POLR2L: variants seen among roughly 807,000 people sequenced by gnomAD.
The protein encoded by POLR2L is RNA polymerase II, I and III subunit L, also known as DNA-directed RNA polymerases I, II, and III subunit RPABC5.
A neutral mutation model predicts 6.8 loss-of-function variants in POLR2L; 7 were observed. The observed-to-expected ratio is 1.03, with a 90% CI of 0.59 to 1.94. POLR2L has a LOEUF of 1.94. Among genes scored for constraint, POLR2L ranks in the 30% most tolerant of loss-of-function variants. The pLI, the probability that POLR2L is intolerant of heterozygous loss-of-function variation, is 0.00. For missense variants in POLR2L, 93 were observed against 86.7 expected, an observed-to-expected ratio of 1.07 and a Z score of -0.29; for synonymous variants, 59 against 39.8, an observed-to-expected ratio of 1.48 and a Z score of -1.82.
At chr11:840,724 C>CGT (rs111898251) in intron 1 of POLR2L, among the ~76,000 whole-genome samples, 12 of 152,248 alleles carry the variant, frequency 7.9e-5, no homozygotes, top group African/African-American at 2.4e-4. Flanking sequence ...TCTGGCTGTA[C>CGT]GTGTGTGTGT....
chr11:842,524 C>T lies in POLR2L; in HGVS notation c.-16G>A. On this transcript the variant is annotated 5_prime_UTR_variant, in exon 1 of 2. Transcript: ENST00000322028. Reference sequence around the variant, plus strand: ...GGATGATCATGGCGGCGGCGCGTCCCAGACTGCCCGGCCCGGCCCGGCCGC... The same window carrying T: ...GGATGATCATGGCGGCGGCGCGTCCTAGACTGCCCGGCCCGGCCCGGCCGC... 6.4e-7 allele frequency: 1 copy of T among 1,565,504 alleles called. No individual in the cohort carries two copies. The highest frequency in any genetic ancestry group is 8.6e-7 in the Non-Finnish European group (1 of 1,157,774).
chr11:842,356 C>T, intron 1 of POLR2L, 58 bp downstream of exon 1: 2 of 1,370,812 alleles, frequency 1.5e-6, no homozygotes, highest in South Asian at 2.8e-5. Context: ...GACTCAGCCC[C>T]CAGCCCCGGC....
rs745945514 is a variant in POLR2L at position 840,452 on chromosome 11, G to A, written c.124C>T (p.Arg42Cys). Reference sequence around the variant, plus strand: ...AGCAGCATCCGGCGGCAGCAGTAGCGCTTCAGGCCCAGGGCATCCAGCGCA... The same window carrying A: ...AGCAGCATCCGGCGGCAGCAGTAGCACTTCAGGCCCAGGGCATCCAGCGCA... Reference protein sequence around the residue: ...GDALDALGLKRYCCRRMLLAH... With the variant: ...GDALDALGLKCYCCRRMLLAH... The change falls in exon 2 of 2, where the codon CGC becomes TGC. Residue 42 changes from arginine (R) to cysteine (C), a missense_variant. Physicochemically the swap from Arg to Cys is radical, Grantham distance 180 (BLOSUM62 -3). Coordinates refer to ENST00000322028, the MANE Select transcript of POLR2L (RefSeq NM_021128.5). 1.2e-5 allele frequency: 19 copies of A among 1,611,502 alleles called. No homozygotes were observed. Among genetic ancestry groups the A allele is most frequent in the African/African-American group, 5.3e-5 (4 of 74,910 alleles).
intron 1 of POLR2L, among the ~76,000 whole-genome samples, chr11:841,931 G>C (rs1190534077): frequency 6.6e-6 from 1 of 152,188 alleles, no homozygotes; most frequent in East Asian, 1.9e-4. Flanking sequence ...TAAATTTCTG[G>C]AGATCAGGGT....
chr11:842,328 G>C (rs1165966225), intron 1 of POLR2L, 86 bp downstream of exon 1: 6 of 956,708 alleles, frequency 6.3e-6, no homozygotes, highest in Non-Finnish European at 5.8e-6. Flanking sequence ...CTCCCGCCCC[G>C]GCGCGCACCC....
rs11629 is a variant in POLR2L at position 840,251 on chromosome 11, C to G, written c.*121G>C. On this transcript the variant is annotated 3_prime_UTR_variant, in exon 2 of 2. Transcript: ENST00000322028. ...GATGGTTCCTTCCAGAGTGGGGTAT[C>G]GGATACACACACACTGCGGCCAGGC... 637,893 of 668,060 alleles carry G rather than the reference C, an allele frequency of 0.95. 304,676 individuals carry two copies. The highest frequency in any genetic ancestry group is 1 in the East Asian group (36,933 of 36,940). The allele number at this position is 668,060 out of a possible 1,614,324, so 41.4% of individuals were successfully genotyped here.
chr11:841,891 T>G (rs1253533143), intron 1 of POLR2L, among the ~76,000 whole-genome samples: 3 of 152,104 alleles, frequency 2.0e-5, no homozygotes, highest in Non-Finnish European at 4.4e-5. Flanking sequence ...GGAGCGAGAC[T>G]CCGTCTCAAA....
intron 1 of POLR2L, 107 bp downstream of exon 1, chr11:842,307 C>T (rs867229027): frequency 2.9e-5 from 20 of 694,970 alleles, no homozygotes; most frequent in Non-Finnish European, 4.1e-5. Context: ...TGGCCTCAGG[C>T]AGCGCTGCGC....
intron 1 of POLR2L, 104 bp from the exon 2 acceptor site, chr11:840,584 C>CG (rs950666486): frequency 9.6e-6 from 7 of 727,702 alleles, no homozygotes; most frequent in South Asian, 1.5e-5. Flanking sequence ...CCTCACCCCC[C>CG]CCGCCACCGG....
rs111742893 is a variant in POLR2L at position 840,719 on chromosome 11, C to A, written c.96-239G>T. Among the ~76,000 whole-genome samples the A allele has an allele frequency of 3.4e-3, 519 of 152,328 alleles. 2 individuals are homozygous for A. Among genetic ancestry groups the A allele is most frequent in the Middle Eastern group, 0.02 (6 of 294 alleles). ...GAGCCTCCTCTCCCACCTACTCTGG[C>A]TGTACGTGTGTGTGTATAACGTATG... is the stretch of plus-strand genomic sequence containing the variant. On this transcript the variant is annotated intron_variant, in intron 1 of 1. Transcript: ENST00000322028.
At chr11:840,561 C>T (rs193049410) in intron 1 of POLR2L, 81 bp from the exon 2 acceptor site, 5 of 975,212 alleles carry the variant, frequency 5.1e-6, no homozygotes, top group African/African-American at 1.7e-5. Context: ...ACCTGCCTCT[C>T]ACTGCCTGCT....
chr11:842,253 G>A (rs1426488480), intron 1 of POLR2L, among the ~76,000 whole-genome samples, 161 bp downstream of exon 1: 1 of 152,240 alleles, frequency 6.6e-6, no homozygotes, highest in African/African-American at 2.4e-5. Context: ...GCAGATCACA[G>A]AGCGGGGCTG....
intron 1 of POLR2L, 48 bp downstream of exon 1, chr11:842,366 C>CA: frequency 6.9e-7 from 1 of 1,441,674 alleles, no homozygotes; most frequent in Non-Finnish European, 9.3e-7. Context: ...CCAGCCCCGG[C>CA]CCGCGCCCCA....
intron 1 of POLR2L, among the ~76,000 whole-genome samples, chr11:841,046 C>T (rs1010359146): frequency 2.0e-5 from 3 of 152,240 alleles, no homozygotes; most frequent in Non-Finnish European, 4.4e-5. Context: ...GCTCCAGTCA[C>T]CCTCAAGACC....
At chr11:841,834 G>A (rs1231161299) in intron 1 of POLR2L, among the ~76,000 whole-genome samples, 1 of 152,178 alleles carries the variant, frequency 6.6e-6, no homozygotes, top group Non-Finnish European at 1.5e-5. Context: ...AGGAGGCGGG[G>A]GTTGCAGTGA....
chr11:842,364 G>T, intron 1 of POLR2L, 50 bp downstream of exon 1: 1 of 1,424,112 alleles, frequency 7.0e-7, no homozygotes, highest in Non-Finnish European at 9.5e-7. Context: ...CCCCAGCCCC[G>T]GCCCGCGCCC....
At chr11:841,820 G>A (rs1846976543) in intron 1 of POLR2L, among the ~76,000 whole-genome samples, 1 of 152,104 alleles carries the variant, frequency 6.6e-6, no homozygotes, top group Non-Finnish European at 1.5e-5. Flanking sequence ...AATTGCTGGA[G>A]CCCAGGAGGC....
chr11:840,866 G>A (rs1590213139), intron 1 of POLR2L, among the ~76,000 whole-genome samples: 1 of 152,144 alleles, frequency 6.6e-6, no homozygotes, highest in Non-Finnish European at 1.5e-5. Context: ...GCTCTCCAGG[G>A]GCCTGCCCTT....
chr11:841,836 T>C (rs1042101749), intron 1 of POLR2L, among the ~76,000 whole-genome samples: 1 of 151,368 alleles, frequency 6.6e-6, no homozygotes, highest in Non-Finnish European at 1.5e-5. Flanking sequence ...GAGGCGGGGG[T>C]TGCAGTGAGC....
Sources: gnomAD v4.1 joint callset for allele counts (sites outside exome capture counted in the v4.1 genomes callset) on GRCh38, gnomAD v4.1.1 for gene constraint, MANE v1.5 for transcripts, NCBI Gene and HGNC (gene_info 2026-07-23, HGNC 2026-07-21) for gene names.